Variants in TRPM2 observed in about 807,000 individuals in gnomAD.
TRPM2 encodes the protein estrogen-responsive element-associated gene 1 protein.
TRPM2 carries 161 observed loss-of-function variants against 174.0 expected under a neutral mutation model. The ratio of observed to expected loss-of-function variants is 0.93; its 90% confidence interval spans 0.81 to 1.05. The LOEUF (loss-of-function observed/expected upper bound fraction) is 1.05. Among genes scored for constraint, TRPM2 ranks in the 50% least tolerant of loss-of-function variants. TRPM2 has a pLI of 0.00. For synonymous variants in TRPM2, 954 were observed against 861.3 expected, an observed-to-expected ratio of 1.11 and a Z score of -1.88; for missense variants, 2,057 against 2,038.0, an observed-to-expected ratio of 1.01 and a Z score of -0.18.
chr21:44,441,956 A>T lies in TRPM2; in HGVS notation c.*139A>T, dbSNP rs1393318284. The stretch of plus-strand genomic sequence containing the variant: ...GGGTTTGGTGGACCCAGTGCCCCTC[A>T]CGGCTGCCGCAAGTCTGCTGCAGAT... On this transcript the variant is annotated 3_prime_UTR_variant, in exon 32 of 32. Coordinates refer to ENST00000397928, the MANE Select transcript of TRPM2 (RefSeq NM_003307.4). 13 of 1,264,596 alleles carry T rather than the reference A, an allele frequency of 1.0e-5. No individual in the cohort carries two copies. The highest frequency in any genetic ancestry group is 1.2e-5 in the Non-Finnish European group (12 of 970,200). 78.3% of individuals were successfully genotyped at this position (1,264,596 alleles called of 1,614,324 possible).
chr21:44,399,526 G>A lies in TRPM2; in HGVS notation c.2208+85G>A, dbSNP rs559421013. 2.8e-5 allele frequency: 43 copies of A among 1,508,908 alleles called. No homozygotes were observed. Among genetic ancestry groups the A allele is most frequent in the Admixed American group, 4.2e-5 (2 of 48,034 alleles). The allele number at this position is 1,508,908 out of a possible 1,614,324, so 93.5% of individuals were successfully genotyped here. The stretch of plus-strand genomic sequence containing the variant: ...AGCCTCCTGTTCGTGCAGTTGGCAC[G>A]CACACTCACACAGGCTTCAGGGCCC... On this transcript the variant is annotated intron_variant, in intron 14 of 31. Coordinates refer to ENST00000397928, the MANE Select transcript of TRPM2 (RefSeq NM_003307.4). This position sits in a 1 kb window ranked among gnomAD's most constrained non-coding sequence, Gnocchi z 4.6.
In TRPM2 at chr21:44,362,679, A is replaced by T. The variant is rs977545549; in HGVS notation, c.255-1435A>T. 2.0e-5 allele frequency among the ~76,000 whole-genome samples: 3 copies of T among 152,162 alleles called. No homozygotes were observed. The South Asian group carries it at 6.2e-4, about 31-fold the overall frequency. On this transcript the variant is annotated intron_variant, in intron 2 of 31. Transcript: ENST00000397928. ...TTCTTGTTTCCTTTCTGTTTAGAGA[A>T]TGTCCTTTAGCCATTCTTTTAGGGT...
intron 23 of TRPM2, 31 bp downstream of exon 23, chr21:44,423,763 G>A (rs1269146609): frequency 1.9e-6 from 3 of 1,559,824 alleles, no homozygotes; most frequent in Non-Finnish European, 2.6e-6. Flanking sequence ...TCCGTCAGGA[G>A]GTGCCACTGC....
chr21:44,378,016 C>T (rs1429317378), intron 7 of TRPM2, among the ~76,000 whole-genome samples: 17 of 152,140 alleles, frequency 1.1e-4, no homozygotes, highest in Admixed American at 2.6e-4. Flanking sequence ...CATTGACCGG[C>T]GTGGAAGGAA....
At position 44,407,042 on chromosome 21, in the gene TRPM2, GC is replaced by G. The variant is rs1334896757; in HGVS notation, c.2962+282del. 5.3e-5 allele frequency among the ~76,000 whole-genome samples: 8 copies of G among 149,582 alleles called. No homozygotes were observed. The South Asian group carries it at 1.7e-3, about 32-fold the overall frequency. On this transcript the variant is annotated intron_variant, in intron 19 of 31. Coordinates refer to ENST00000397928, the MANE Select transcript of TRPM2 (RefSeq NM_003307.4). Reference sequence around the variant, plus strand: ...AGGGCACCTGGGGCATCAGCTGACAGCCCCCTGAAATGGAATGTCACCCTGT... The same window carrying G: ...AGGGCACCTGGGGCATCAGCTGACAGCCCCTGAAATGGAATGTCACCCTGT...
intron 11 of TRPM2, among the ~76,000 whole-genome samples, chr21:44,392,206 G>A (rs567523852): frequency 2.7e-5 from 4 of 150,798 alleles, no homozygotes; most frequent in South Asian, 2.1e-4. Context: ...CAAGTGATCC[G>A]CTCTCCTCAC....
At position 44,406,750 on chromosome 21, in the gene TRPM2, C is replaced by G. The variant is rs769039238; in HGVS notation, c.2947C>G (p.Pro983Ala). 1 of 1,605,442 alleles carries G rather than the reference C, an allele frequency of 6.2e-7. No homozygotes were observed. Among genetic ancestry groups the G allele is most frequent in the Non-Finnish European group, 8.5e-7 (1 of 1,177,866 alleles). ...CTACCTCACCATCTTCGGGCAGATCCCGGGCTACATCGACGGTAGGAGCCG... is the reference window on the plus strand; with the variant it reads ...CTACCTCACCATCTTCGGGCAGATCGCGGGCTACATCGACGGTAGGAGCCG... ...HSYLTIFGQI[P>A]GYIDGVNFNP... The change falls in exon 19 of 32, where the codon CCG (proline) becomes GCG (alanine). Residue 983 changes from proline (P) to alanine (A), a missense_variant. Physicochemically the swap from Pro to Ala is conservative, Grantham distance 27. Coordinates refer to ENST00000397928, the MANE Select transcript of TRPM2 (RefSeq NM_003307.4).
chr21:44,393,306 G>T (rs896385957), intron 11 of TRPM2, among the ~76,000 whole-genome samples: 43 of 152,168 alleles, frequency 2.8e-4, no homozygotes, highest in Admixed American at 2.7e-3. Flanking sequence ...TGAGAAGATT[G>T]AGCTCCTTTT....
At chr21:44,429,940 A>T (rs2050966028) in intron 27 of TRPM2, among the ~76,000 whole-genome samples, 1 of 152,186 alleles carries the variant, frequency 6.6e-6, no homozygotes, top group Admixed American at 6.5e-5. Flanking sequence ...AATACCTTTT[A>T]TTGGATTAGG....
At position 44,391,170 on chromosome 21, in the gene TRPM2, A is replaced by T; in HGVS notation, c.1441-102A>T. ...GACCTGGGCAGCTTTCATCCTCCCC[A>T]GGTTGGGGACAACAGCAGCCCCCAT... On this transcript the variant is annotated intron_variant, in intron 10 of 31. Transcript: ENST00000397928. The surrounding 1 kb of genome is among the most constrained non-coding windows in gnomAD (Gnocchi z 5.0). 6.5e-7 allele frequency: 1 copy of T among 1,536,424 alleles called. No individual in the cohort carries two copies. Among genetic ancestry groups the T allele is most frequent in the Non-Finnish European group, 8.9e-7 (1 of 1,129,646 alleles).
Position 44,397,776 on chromosome 21 carries a change from C to CT in TRPM2, c.1963dup (p.Cys655LeufsTer29). 5 of 1,601,744 alleles carry CT rather than the reference C, an allele frequency of 3.1e-6. No homozygotes were observed. The highest frequency in any genetic ancestry group is 1.7e-4 in the Middle Eastern group (1 of 6,014). ...AGGACTGCATCGCAGCGGCCTTGGCCTGCAGCAAGATCCTGAAGGAACTGT... is the reference window on the plus strand; with the variant it reads ...AGGACTGCATCGCAGCGGCCTTGGCCTTGCAGCAAGATCCTGAAGGAACTGT... On this transcript the variant is annotated frameshift_variant, in exon 13 of 32. Coordinates refer to ENST00000397928, the MANE Select transcript of TRPM2 (RefSeq NM_003307.4). LOFTEE classifies it high-confidence loss of function.
At chr21:44,406,936 A>G (rs1160168829) in intron 19 of TRPM2, among the ~76,000 whole-genome samples, 171 bp downstream of exon 19, 2 of 150,300 alleles carry the variant, frequency 1.3e-5, no homozygotes, top group African/African-American at 4.9e-5. Context: ...TGTGGCAGGA[A>G]GTAGAAGGGG....
intron 4 of TRPM2, 136 bp from the exon 5 acceptor site, chr21:44,369,041 G>C: frequency 1.0e-6 from 1 of 980,342 alleles, no homozygotes; most frequent in Non-Finnish European, 1.4e-6. Flanking sequence ...ATGCTGGTTT[G>C]AAAGCCCCTG....
rs2051055335 is a variant in TRPM2 at position 44,432,336 on chromosome 21, C to T, written c.3975-2795C>T. ...GGCTTGTGATCTCTGCCTCCCTAGC[C>T]ACATGGCCTCTCCCTGCACGTGTCT... On this transcript the variant is annotated intron_variant, in intron 27 of 31. Transcript: ENST00000397928. This position sits in a 1 kb window ranked among gnomAD's most constrained non-coding sequence, Gnocchi z 4.9. Among the ~76,000 whole-genome samples the T allele has an allele frequency of 6.6e-6, 1 of 152,192 alleles. No individual in the cohort carries two copies. Among genetic ancestry groups the T allele is most frequent in the African/African-American group, 2.4e-5 (1 of 41,438 alleles).
At chr21:44,395,344 C>G in intron 11 of TRPM2, 70 bp from the exon 12 acceptor site, 1 of 1,571,496 alleles carries the variant, frequency 6.4e-7, no homozygotes, top group Non-Finnish European at 8.6e-7. Flanking sequence ...GCCTGCACCT[C>G]TGACAGGCTC....
chr21:44,377,868 TGGCAAGAG>T, intron 7 of TRPM2, 95 bp downstream of exon 7: 4 of 1,396,438 alleles, frequency 2.9e-6, no homozygotes, highest in Non-Finnish European at 4.0e-6. Context: ...TCAAGACTGT[TGGCAAGAG>T]GGCGATGAGC....
chr21:44,397,499 C>T (rs1276974073), intron 12 of TRPM2, among the ~76,000 whole-genome samples: 1 of 152,190 alleles, frequency 6.6e-6, no homozygotes, highest in Admixed American at 6.5e-5. Flanking sequence ...CCCGTGCTGT[C>T]CGTCAGGCTT....
chr21:44,409,301 T>A (rs1349745890), intron 19 of TRPM2, among the ~76,000 whole-genome samples: 3 of 152,222 alleles, frequency 2.0e-5, no homozygotes, highest in Non-Finnish European at 4.4e-5. Flanking sequence ...GTCTTCGTTG[T>A]GGCTCTCCTG....
chr21:44,413,863 G>A (rs763950108), intron 19 of TRPM2, 28 bp from the exon 20 acceptor site: 4 of 1,595,630 alleles, frequency 2.5e-6, no homozygotes, highest in Non-Finnish European at 2.6e-6. Flanking sequence ...TGTTTTCTTG[G>A]CTCACCCACC....
Sources: gnomAD v4.1 joint callset for allele counts (sites outside exome capture counted in the v4.1 genomes callset) on GRCh38, gnomAD v4.1.1 for gene constraint, Gnocchi (gnomAD v3.1) non-coding constraint, MANE v1.5 for transcripts, NCBI Gene and HGNC (gene_info 2026-07-23, HGNC 2026-07-21) for gene names.